Variants in ARID4A observed in about 807,000 individuals in gnomAD.
ARID4A encodes the protein AT-rich interaction domain 4A.
In ARID4A, 39 loss-of-function variants were observed where a neutral mutation model predicts 148.6. The ratio of observed to expected loss-of-function variants is 0.26; its 90% CI spans 0.20 to 0.34. ARID4A has a LOEUF of 0.34. Ranked by LOEUF, ARID4A falls within the 10% of genes least tolerant of loss-of-function variation. The probability of loss-of-function intolerance (pLI) is 1.00; values close to 1 mark genes in which losing one functional copy is unlikely to be tolerated. For synonymous variants in ARID4A, 475 were observed against 481.2 expected (o/e 0.99, Z 0.17); for missense variants, 1,265 against 1,449.1 (o/e 0.87, Z 2.06).
chr14:58,301,517 G>A (rs2031167256), intron 2 of ARID4A, 63 bp from the exon 3 acceptor site: 1 of 1,137,680 alleles, frequency 8.8e-7, no homozygotes, highest in Non-Finnish European at 1.3e-6. Flanking sequence ...CTTTTAATGA[G>A]ACTTGAGGTT....
intron 11 of ARID4A, among the ~76,000 whole-genome samples, chr14:58,339,459 C>G (rs1388980634): frequency 1.3e-5 from 2 of 152,022 alleles, no homozygotes; most frequent in East Asian, 3.9e-4. Context: ...GAAACTATCC[C>G]AAGCCACCAA....
chr14:58,318,887 C>A, intron 7 of ARID4A, 82 bp downstream of exon 7: 1 of 1,151,086 alleles, frequency 8.7e-7, no homozygotes, highest in South Asian at 1.4e-5. Flanking sequence ...TGGCTAAATT[C>A]ATTTGGGTAA....
rs2034367044 is a variant in ARID4A, at chr14:58,346,405, G to T, written c.980-6G>T. The T allele has an allele frequency of 1.3e-6, 2 of 1,580,040 alleles. No homozygotes were observed. ...CATTTTATTTCTACCTACTTACATT[G>T]AAAAGGTACTCCAATCAACAAACCA... On this transcript the variant is annotated splice_polypyrimidine_tract_variant and splice_region_variant and intron_variant, in intron 12 of 23. Coordinates refer to ENST00000355431, the MANE Select transcript of ARID4A (RefSeq NM_002892.4).
intron 5 of ARID4A, among the ~76,000 whole-genome samples, chr14:58,309,383 T>C (rs1387310320): frequency 6.6e-6 from 1 of 152,208 alleles, no homozygotes; most frequent in African/African-American, 2.4e-5. Context: ...ATTCCTACCA[T>C]AGTTTACTCA....
At chr14:58,352,017 A>G (rs978027628) in intron 16 of ARID4A, among the ~76,000 whole-genome samples, 5 of 152,188 alleles carry the variant, frequency 3.3e-5, no homozygotes, top group Non-Finnish European at 5.9e-5. Flanking sequence ...AGTGTTGTCA[A>G]ATGGATTTAC....
rs770216201 is a variant in ARID4A, at chr14:58,347,806, G to C, written c.1332G>C (p.Lys444Asn). 5 of 1,613,732 alleles carry C rather than the reference G, an allele frequency of 3.1e-6. No individual in the cohort carries two copies. The highest frequency in any genetic ancestry group is 4.2e-6 in the Non-Finnish European group (5 of 1,179,894). The change falls in exon 15 of 24, where the codon AAG (lysine) becomes AAC (asparagine). Residue 444 changes from lysine (K) to asparagine (N), a missense_variant. Transcript: ENST00000355431. The stretch of plus-strand genomic sequence containing the variant: ...AAGAAATGCCTTTAACAGAAGTGAA[G>C]AGTGAACCTGAGGAAAATATCGATT... ...LDQEMPLTEV[K>N]SEPEENIDSN...
At chr14:58,330,483 G>A (rs1489794376) in intron 11 of ARID4A, among the ~76,000 whole-genome samples, 2 of 152,110 alleles carry the variant, frequency 1.3e-5, no homozygotes, top group Non-Finnish European at 2.9e-5. Context: ...TTTTATATGT[G>A]TAACTCATTT....
intron 7 of ARID4A, among the ~76,000 whole-genome samples, chr14:58,319,999 G>A (rs1358105048): frequency 7.0e-6 from 1 of 143,096 alleles, no homozygotes; most frequent in African/African-American, 2.6e-5. Context: ...CCAGGCTGGA[G>A]TGCAGTGGTG....
At chr14:58,321,252 C>T (rs1272915275) in intron 7 of ARID4A, among the ~76,000 whole-genome samples, 1 of 152,122 alleles carries the variant, frequency 6.6e-6, no homozygotes, top group African/African-American at 2.4e-5. Flanking sequence ...ATAATTCTTG[C>T]CTGAATCAGT....
chr14:58,364,317 T>C lies in ARID4A; in HGVS notation c.2228T>C (p.Ile743Thr). The C allele has an allele frequency of 1.3e-6, 2 of 1,570,610 alleles. No homozygotes were observed. The highest frequency in any genetic ancestry group is 8.6e-7 in the Non-Finnish European group (1 of 1,168,026). The change falls in exon 20 of 24, where the codon ATA becomes ACA. Residue 743 changes from isoleucine (I) to threonine (T), a missense_variant. Transcript: ENST00000355431. ...GAAAATCCAAAGATTTCTGCACATATATTAAAAGAAAATGATAGGACTCAA... is the reference window on the plus strand; with the variant it reads ...GAAAATCCAAAGATTTCTGCACATACATTAAAAGAAAATGATAGGACTCAA... Reference protein sequence around the residue: ...DEENPKISAHILKENDRTQMQ... With the variant: ...DEENPKISAHTLKENDRTQMQ...
chr14:58,342,905 C>T (rs563062632), intron 11 of ARID4A, among the ~76,000 whole-genome samples: 2 of 151,256 alleles, frequency 1.3e-5, no homozygotes, highest in Non-Finnish European at 2.9e-5. Flanking sequence ...CAGGAAGACT[C>T]TGTCTTTAAA....
Position 58,353,675 on chromosome 14 carries a change from A to G in ARID4A, c.1673A>G (p.Lys558Arg). 2 of 1,614,022 alleles carry G rather than the reference A, an allele frequency of 1.2e-6. No homozygotes were observed. The highest frequency in any genetic ancestry group is 1.7e-6 in the Non-Finnish European group (2 of 1,179,952). ...KSQEREETES[K>R]CDSEGEEDEE... is the part of the protein sequence containing the mutation. ...TACTGCAGGGAAGAAACTGAAAGCA[A>G]ATGTGACTCTGAAGGAGAGGAAGAT... The change falls in exon 17 of 24, where the codon AAA becomes AGA. Residue 558 changes from lysine to arginine, a missense_variant. This residue lies in a region of ARID4A where 205 missense variants were observed against 196.9 expected (regional missense o/e 1.04). Coordinates refer to ENST00000355431, the MANE Select transcript of ARID4A (RefSeq NM_002892.4).
intron 17 of ARID4A, 112 bp from the exon 18 acceptor site, chr14:58,359,020 G>GA: frequency 8.1e-7 from 1 of 1,228,550 alleles, no homozygotes; most frequent in Non-Finnish European, 1.1e-6. Context: ...CCAACACTAA[G>GA]AACAAACTAT....
rs560825171 is a variant in ARID4A, at chr14:58,304,810, A to T, written c.118-134A>T. 8.5e-6 allele frequency: 6 copies of T among 701,852 alleles called. No homozygotes were observed. The Admixed American group carries it at 1.2e-4, about 14-fold the overall frequency. 43.5% of individuals were successfully genotyped at this position (701,852 alleles called of 1,614,324 possible). A position where few individuals can be genotyped will look rare whatever the true frequency, so the allele number is the denominator to read the frequency against. ...AGCTCACAGTTAATAAGAGAATGTA[A>T]TAAGTATTACATTAGCAGGGGTCAC... is the stretch of plus-strand genomic sequence containing the variant. On this transcript the variant is annotated intron_variant, in intron 3 of 23. Coordinates refer to ENST00000355431, the MANE Select transcript of ARID4A (RefSeq NM_002892.4).
At chr14:58,349,601 C>G (rs2034540614) in intron 15 of ARID4A, among the ~76,000 whole-genome samples, 1 of 152,152 alleles carries the variant, frequency 6.6e-6, no homozygotes, top group Admixed American at 6.5e-5. Flanking sequence ...GTAGTCCCAG[C>G]TACTCAGGAC....
intron 21 of ARID4A, among the ~76,000 whole-genome samples, 195 bp from the exon 22 acceptor site, chr14:58,365,829 T>G (rs1161072583): frequency 6.6e-6 from 1 of 152,194 alleles, no homozygotes; most frequent in Non-Finnish European, 1.5e-5. Flanking sequence ...CAATAGTTTA[T>G]CATTTTTAAC....
At chr14:58,338,324 A>C (rs1238941664) in intron 11 of ARID4A, among the ~76,000 whole-genome samples, 2 of 152,156 alleles carry the variant, frequency 1.3e-5, no homozygotes, top group Non-Finnish European at 2.9e-5. Context: ...TATATTATAA[A>C]TTTAAAATTT....
intron 7 of ARID4A, 133 bp downstream of exon 7, chr14:58,318,938 C>T: frequency 1.5e-6 from 1 of 666,878 alleles, no homozygotes; most frequent in Non-Finnish European, 2.5e-6. Context: ...AGACATTTTA[C>T]CCTGAGTGGA....
intron 5 of ARID4A, among the ~76,000 whole-genome samples, chr14:58,315,937 C>T (rs1017935302): frequency 6.6e-6 from 1 of 152,164 alleles, no homozygotes; most frequent in African/African-American, 2.4e-5. Context: ...ATTTTTTCCA[C>T]ATTGTCTCCT....
Sources: allele counts gnomAD v4.1 joint callset (sites outside exome capture counted in the v4.1 genomes callset), GRCh38; gene constraint gnomAD v4.1.1; regional missense constraint gnomAD v4.1.1; transcripts MANE v1.5; gene names NCBI Gene and HGNC (gene_info 2026-07-23, HGNC 2026-07-21).